The following ADGRD2 variants were observed in gnomAD, a reference collection of about 807,000 sequenced individuals.
The protein encoded by ADGRD2 is adhesion G protein-coupled receptor D2, also known as G protein-coupled receptor PGR24.
ADGRD2 carries 71 observed loss-of-function variants against 44.4 expected under a neutral mutation model. That is an observed-to-expected ratio of 1.60 (90% CI 1.32 to 1.95). ADGRD2 has a LOEUF of 1.95. Ranked by LOEUF, ADGRD2 falls within the 30% of genes most tolerant of loss-of-function variation. The pLI is 0.00. For synonymous variants in ADGRD2, 481 were observed against 224.8 expected (o/e 2.14, Z -10.19); for missense variants, 1,039 against 512.4 (o/e 2.03, Z -9.92).
intron 17 of ADGRD2, among the ~76,000 whole-genome samples, chr9:124,472,695 C>CGG (rs201336520): frequency 4.6e-5 from 7 of 152,024 alleles, no homozygotes; most frequent in African/African-American, 1.7e-4. Context: ...TTAGTGGAGA[C>CGG]GGGGGTCTCA....
At position 124,477,225 on chromosome 9, in the gene ADGRD2, G is replaced by A. The variant is rs1215963977; in HGVS notation, c.*18+516G>A. The A allele has an allele frequency of 8.2e-6, 3 of 367,936 alleles. No homozygotes were observed. In the East Asian group the frequency reaches 2.2e-4, roughly 27 times the overall value. 22.8% of individuals were successfully genotyped at this position (367,936 alleles called of 1,614,324 possible). ...GCTGAGCAGTGGCAGGGTGGGTACT[G>A]TGGGAGGGTGAGGACACCCCAGCTC... On this transcript the variant is annotated intron_variant, in intron 21 of 21. Transcript: ENST00000334810.
At chr9:124,451,325 C>A, upstream of ADGRD2, 1 of 429,822 alleles carries the variant, frequency 2.3e-6, no homozygotes, top group African/African-American at 2.0e-5. Context: ...CTCTGTTTCG[C>A]CCCTCTCTGG....
chr9:124,470,841 C>A (rs34323756), intron 17 of ADGRD2, among the ~76,000 whole-genome samples: 5,190 of 152,340 alleles, frequency 0.034, 111 homozygotes, highest in Middle Eastern at 0.054. Flanking sequence ...CCTCTGCCAG[C>A]TGGGAAGGCT....
chr9:124,472,481 TTTTGTTTTTGTTTTTG>T (rs201303998), intron 17 of ADGRD2, among the ~76,000 whole-genome samples: 3,086 of 79,938 alleles, frequency 0.039, 91 homozygotes, highest in African/African-American at 0.14. Context: ...TTTGTTTTTG[TTTTGTTTTTGTTTTTG>T]TTTTGTTTTG....
chr9:124,476,322 C>A (rs371924244), intron 19 of ADGRD2, 35 bp from the exon 23 acceptor site: 3 of 680,734 alleles, frequency 4.4e-6, no homozygotes, highest in Non-Finnish European at 8.1e-6. Flanking sequence ...GGCTTCCTGC[C>A]TTCGTCTCTC....
exon 3 of ADGRD2, chr9:124,453,172 G>A: frequency 4.3e-6 from 3 of 695,264 alleles, no homozygotes; most frequent in Non-Finnish European, 7.8e-6. Flanking sequence ...GCCCGACCCC[G>A]CAGCGCTCTT....
At chr9:124,463,080 T>C (rs1264113560) in intron 10 of ADGRD2, among the ~76,000 whole-genome samples, 1 of 152,178 alleles carries the variant, frequency 6.6e-6, no homozygotes, top group Non-Finnish European at 1.5e-5. Flanking sequence ...TCTCATTCTT[T>C]GTCTTAGAAG....
At chr9:124,455,272 T>G (rs1449682977) in intron 6 of ADGRD2, 145 bp downstream of exon 9, 1 of 570,532 alleles carries the variant, frequency 1.8e-6, no homozygotes. Context: ...CTTTTGTCTA[T>G]TTGATAAGTT....
chr9:124,452,358 A>G (rs1831495272), intron 1 of ADGRD2, 152 bp from the exon 5 acceptor site: 1 of 650,712 alleles, frequency 1.5e-6, no homozygotes, highest in Non-Finnish European at 2.8e-6. Flanking sequence ...GAGCTCTGCA[A>G]GAGGACAGGA....
In ADGRD2 at chr9:124,458,247, G is replaced by A. The variant is rs994653012; in HGVS notation, c.1764+11G>A. On this transcript the variant is annotated intron_variant, in intron 9 of 21. Coordinates refer to ENST00000334810, the Ensembl canonical transcript of ADGRD2. The stretch of plus-strand genomic sequence containing the variant: ...AAACAGGGTGCAGAGGTGAGTAGGC[G>A]CCACCTGGAGGGCTGTGAGGGCCTG... The A allele has an allele frequency of 9.7e-6, 7 of 718,162 alleles. No homozygotes were observed. The highest frequency in any genetic ancestry group is 8.0e-5 in the East Asian group (3 of 37,278). 44.5% of individuals were successfully genotyped at this position (718,162 alleles called of 1,614,324 possible). A position where few individuals can be genotyped will look rare whatever the true frequency, so the allele number is the denominator to read the frequency against.
intron 10 of ADGRD2, among the ~76,000 whole-genome samples, chr9:124,463,636 G>T (rs998765110): frequency 1.2e-4 from 19 of 152,066 alleles, no homozygotes; most frequent in African/African-American, 4.3e-4. Flanking sequence ...TAGGTTATTT[G>T]GGTGTTTTAT....
rs761156294 is a variant in ADGRD2 at position 124,452,490 on chromosome 9, G to A, written c.69-20G>A. On this transcript the variant is annotated intron_variant, in intron 1 of 21. Transcript: ENST00000334810. The stretch of plus-strand genomic sequence containing the variant: ...ATGCCCACAAAATGCACCCCCCACC[G>A]TCTCTCTTATCGTTTTTAGCCCCCG... 7.0e-6 allele frequency: 5 copies of A among 718,392 alleles called. No individual in the cohort carries two copies. Among genetic ancestry groups the A allele is most frequent in the Non-Finnish European group, 1.0e-5 (4 of 385,090 alleles). The allele number at this position is 718,392 out of a possible 1,614,324, so 44.5% of individuals were successfully genotyped here.
Position 124,454,125 on chromosome 9 carries a change from T to C in ADGRD2, c.1022+28T>C, listed in dbSNP as rs961329515. ...GCGCCCTGGCTGTACCCCTGGGCTC[T>C]GCTGAAGGGAAAGCCGGTGTGGACC... On this transcript the variant is annotated intron_variant, in intron 4 of 21. Transcript: ENST00000334810. The surrounding 1 kb of genome is among the most constrained non-coding windows in gnomAD (Gnocchi z 4.5). 1.5e-6 allele frequency: 1 copy of C among 656,130 alleles called. No individual in the cohort carries two copies. The highest frequency in any genetic ancestry group is 2.8e-6 in the Non-Finnish European group (1 of 358,446). The allele number at this position is 656,130 out of a possible 1,614,324, so 40.6% of individuals were successfully genotyped here.
upstream of ADGRD2, chr9:124,451,191 G>C (rs776424959): frequency 1.7e-5 from 8 of 472,062 alleles, no homozygotes; most frequent in Non-Finnish European, 3.1e-5. Flanking sequence ...ACGGAGCAGC[G>C]GTGGACAGGT....
chr9:124,459,878 C>T (rs1382258552), intron 10 of ADGRD2, among the ~76,000 whole-genome samples: 3 of 151,994 alleles, frequency 2.0e-5, no homozygotes, highest in Non-Finnish European at 2.9e-5. Context: ...ACCAATCTCC[C>T]GCAGGTAATA....
At chr9:124,470,454 G>T (rs887701324) in intron 16 of ADGRD2, 40 bp from the exon 20 acceptor site, 2 of 697,288 alleles carry the variant, frequency 2.9e-6, no homozygotes, top group African/African-American at 1.8e-5. Context: ...GAGCTCCCCA[G>T]GCCTCCCAAC....
At chr9:124,476,591 G>A (rs919281800) in intron 20 of ADGRD2, 88 bp from the exon 24 acceptor site, 3 of 644,956 alleles carry the variant, frequency 4.7e-6, no homozygotes, top group African/African-American at 1.8e-5. Context: ...GCGGCAAGCT[G>A]GCAGAGGCCC....
chr9:124,464,812 G>A (rs1489819892), intron 10 of ADGRD2, among the ~76,000 whole-genome samples: 2 of 16,420 alleles, frequency 1.2e-4, no homozygotes, highest in Admixed American at 1.7e-3. Context: ...GTGTGTGTAC[G>A]TGTGTGTGTA....
At position 124,466,567 on chromosome 9, in the gene ADGRD2, C is replaced by T. The variant is rs949490676; in HGVS notation, c.2026+154C>T. The T allele has an allele frequency of 6.4e-6, 3 of 469,840 alleles. No homozygotes were observed. The South Asian group carries it at 1.3e-4, about 21-fold the overall frequency. 29.1% of individuals were successfully genotyped at this position (469,840 alleles called of 1,614,324 possible). On this transcript the variant is annotated intron_variant, in intron 11 of 21. Transcript: ENST00000334810. ...GCATGCAGTAGTTCATGCCTGTTGTCCCAGCACTTTGGGCGGCTGATCACT... is the reference window on the plus strand; with the variant it reads ...GCATGCAGTAGTTCATGCCTGTTGTTCCAGCACTTTGGGCGGCTGATCACT...
Sources: allele counts gnomAD v4.1 joint callset (sites outside exome capture counted in the v4.1 genomes callset), GRCh38; gene constraint gnomAD v4.1.1; non-coding constraint Gnocchi (gnomAD v3.1); transcripts MANE v1.5; gene names NCBI Gene and HGNC (gene_info 2026-07-23, HGNC 2026-07-21).